Variants in KDM4C observed in about 807,000 individuals in gnomAD.
The protein encoded by KDM4C is lysine demethylase 4C.
A neutral mutation model predicts 129.3 loss-of-function variants in KDM4C; 81 were observed. The ratio of observed to expected loss-of-function variants is 0.63; its 90% CI spans 0.52 to 0.75. KDM4C has a LOEUF of 0.75. Ranked by LOEUF, KDM4C falls within the 30% of genes least tolerant of loss-of-function variation. The pLI is 0.00. For synonymous variants in KDM4C, 573 were observed against 456.1 expected (o/e 1.26, Z -3.26); for missense variants, 1,457 against 1,304.0 (o/e 1.12, Z -1.81).
At chr9:6,907,045 A>C (rs781139244) in intron 8 of KDM4C, among the ~76,000 whole-genome samples, 1 of 152,208 alleles carries the variant, frequency 6.6e-6, no homozygotes, top group Non-Finnish European at 1.5e-5. Flanking sequence ...CAATTTTACT[A>C]TTGTGAAAAT....
In KDM4C at chr9:6,954,447, A is replaced by G. The variant is rs182150079; in HGVS notation, c.922-26478A>G. On this transcript the variant is annotated intron_variant, in intron 8 of 21. Coordinates refer to ENST00000381309, the MANE Select transcript of KDM4C (RefSeq NM_015061.6). ...TATATTGAATAAAATGAAGGATTTT[A>G]TTGACAATGAACTATTCTGGTAGCT... 1.6e-4 allele frequency among the ~76,000 whole-genome samples: 24 copies of G among 152,306 alleles called. No individual in the cohort carries two copies. In the East Asian group the frequency reaches 3.5e-3, roughly 22 times the overall value.
At chr9:7,066,012 T>C (rs1310890626) in intron 17 of KDM4C, among the ~76,000 whole-genome samples, 2 of 148,712 alleles carry the variant, frequency 1.3e-5, no homozygotes, top group Non-Finnish European at 3.0e-5. Flanking sequence ...AAAAAAAAAC[T>C]GTAATTGAGA....
intron 14 of KDM4C, among the ~76,000 whole-genome samples, chr9:7,015,330 T>G (rs818882): frequency 0.8 from 121,007 of 152,022 alleles, 48,551 homozygotes; most frequent in Non-Finnish European, 0.84. Flanking sequence ...CTATGTATAT[T>G]TGCATCATCA....
rs976388021 is a variant in KDM4C at position 6,758,570 on chromosome 9, A to G, written c.-18+367A>G. 6.6e-6 allele frequency among the ~76,000 whole-genome samples: 1 copy of G among 152,084 alleles called. No individual in the cohort carries two copies. Among genetic ancestry groups the G allele is most frequent in the African/African-American group, 2.4e-5 (1 of 41,408 alleles). On this transcript the variant is annotated intron_variant, in intron 1 of 21. Coordinates refer to ENST00000381309, the MANE Select transcript of KDM4C (RefSeq NM_015061.6). This position sits in a 1 kb window ranked among gnomAD's most constrained non-coding sequence, Gnocchi z 4.6. The stretch of plus-strand genomic sequence containing the variant: ...CCGCCAGTCGGCTGTGGCGGACTCC[A>G]GGAAGGCCGGGCCTGGTGCACCCCT...
At chr9:6,896,714 T>G (rs1307677330) in intron 8 of KDM4C, among the ~76,000 whole-genome samples, 1 of 152,196 alleles carries the variant, frequency 6.6e-6, no homozygotes, top group African/African-American at 2.4e-5. Context: ...GAAGTTCTAC[T>G]TATGGAGACT....
At chr9:6,762,499 C>T (rs935817929) in intron 1 of KDM4C, among the ~76,000 whole-genome samples, 11 of 151,936 alleles carry the variant, frequency 7.2e-5, no homozygotes, top group African/African-American at 2.7e-4. Context: ...TTATGAATTT[C>T]TTAGGAGGTG....
At chr9:6,869,163 T>A (rs1048022553) in intron 5 of KDM4C, among the ~76,000 whole-genome samples, 1 of 152,186 alleles carries the variant, frequency 6.6e-6, no homozygotes, top group African/African-American at 2.4e-5. Context: ...TTGTAAGGAT[T>A]TTTTCTCACT....
In KDM4C at chr9:6,893,086, A is replaced by G; in HGVS notation, c.784-9A>G. On this transcript the variant is annotated splice_polypyrimidine_tract_variant and intron_variant, in intron 7 of 21. Transcript: ENST00000381309. ...TTTTACAAAATATTATATGTTTCCT[A>G]CCTTGCAGATAACCCAGGAGGCTGG... 24 of 1,525,258 alleles carry G rather than the reference A, an allele frequency of 1.6e-5. No individual in the cohort carries two copies. Among genetic ancestry groups the G allele is most frequent in the Non-Finnish European group, 2.1e-5 (24 of 1,135,388 alleles). The allele number at this position is 1,525,258 out of a possible 1,614,324, so 94.5% of individuals were successfully genotyped here. A position where few individuals can be genotyped will look rare whatever the true frequency, so the allele number is the denominator to read the frequency against.
intron 1 of KDM4C, among the ~76,000 whole-genome samples, chr9:6,773,759 A>G (rs1401850259): frequency 1.4e-5 from 2 of 148,032 alleles, no homozygotes; most frequent in African/African-American, 5.0e-5. Context: ...CGACAGAGTG[A>G]GACTCTGTCT....
chr9:7,152,789 C>T (rs1050796017), intron 19 of KDM4C, among the ~76,000 whole-genome samples: 1 of 152,202 alleles, frequency 6.6e-6, no homozygotes, highest in Non-Finnish European at 1.5e-5. Context: ...AACTCAGTTC[C>T]AAGCTCTTGA....
At chr9:7,135,789 C>T (rs919649828) in intron 19 of KDM4C, among the ~76,000 whole-genome samples, 1 of 152,184 alleles carries the variant, frequency 6.6e-6, no homozygotes, top group African/African-American at 2.4e-5. Context: ...TTTGGATCTT[C>T]GTCGGTGTCT....
chr9:7,047,853 A>T (rs1195642530), intron 16 of KDM4C, among the ~76,000 whole-genome samples: 1 of 151,938 alleles, frequency 6.6e-6, no homozygotes, highest in Non-Finnish European at 1.5e-5. Flanking sequence ...ACTTCCTAGT[A>T]TATGTGTATT....
At chr9:6,948,377 G>A (rs1011690417) in intron 8 of KDM4C, among the ~76,000 whole-genome samples, 11 of 150,870 alleles carry the variant, frequency 7.3e-5, no homozygotes, top group African/African-American at 2.7e-4. Context: ...GTAGGATTTC[G>A]TTCTAAATAT....
At chr9:6,933,999 C>A (rs68190370) in intron 8 of KDM4C, among the ~76,000 whole-genome samples, 38,929 of 151,630 alleles carry the variant, frequency 0.26, 5,425 homozygotes, top group South Asian at 0.4. Flanking sequence ...ATAGGTGTGC[C>A]CCACCAAGCC....
At chr9:6,953,740 G>A (rs1300924512) in intron 8 of KDM4C, among the ~76,000 whole-genome samples, 1 of 152,182 alleles carries the variant, frequency 6.6e-6, no homozygotes, top group Admixed American at 6.5e-5. Context: ...TATAGAATTA[G>A]TTATGAGTAA....
In KDM4C at chr9:6,963,513, A is replaced by G. The variant is rs186802836; in HGVS notation, c.922-17412A>G. On this transcript the variant is annotated intron_variant, in intron 8 of 21. Coordinates refer to ENST00000381309, the MANE Select transcript of KDM4C (RefSeq NM_015061.6). The stretch of plus-strand genomic sequence containing the variant: ...TTGTTTGTGGTAGGGGAGCTGACCT[A>G]GTCTATGGGCATTTAAGGTGAAATA... Among the ~76,000 whole-genome samples the G allele has an allele frequency of 4.6e-5, 7 of 152,318 alleles. No homozygotes were observed. The East Asian group carries it at 1.4e-3, about 29-fold the overall frequency.
chr9:7,087,181 GGCATATAACTCAGAAAGAGTTC>G (rs1224895719), intron 17 of KDM4C, among the ~76,000 whole-genome samples: 1 of 151,064 alleles, frequency 6.6e-6, no homozygotes, highest in Non-Finnish European at 1.5e-5. Flanking sequence ...CGTGCGTTTA[GGCATATAACTCAGAAAGAGTTC>G]GCATATAACT....
At chr9:6,814,805 A>G in intron 4 of KDM4C, 60 bp downstream of exon 4, 2 of 1,110,004 alleles carry the variant, frequency 1.8e-6, no homozygotes, top group Non-Finnish European at 2.7e-6. Context: ...TTTTGTTACC[A>G]TTTAAGCAGT....
intron 15 of KDM4C, among the ~76,000 whole-genome samples, chr9:7,023,527 CCTT>C (rs1470057792): frequency 6.6e-6 from 1 of 151,946 alleles, no homozygotes; most frequent in Non-Finnish European, 1.5e-5. Context: ...GATCTTCTCT[CCTT>C]TTTTCTTACT....
Sources: gnomAD v4.1 joint callset for allele counts (sites outside exome capture counted in the v4.1 genomes callset) on GRCh38, gnomAD v4.1.1 for gene constraint, Gnocchi (gnomAD v3.1) non-coding constraint, MANE v1.5 for transcripts, NCBI Gene and HGNC (gene_info 2026-07-23, HGNC 2026-07-21) for gene names.